The following QSER1 variants were observed in gnomAD, a reference collection of about 807,000 sequenced individuals.
QSER1 encodes the protein glutamine and serine rich 1, also known as glutamine and serine-rich protein 1.
In QSER1, 49 loss-of-function variants were observed where a neutral mutation model predicts 158.5. The observed-to-expected ratio is 0.31, with a 90% CI of 0.25 to 0.39. The LOEUF (loss-of-function observed/expected upper bound fraction) is 0.39. Ranked by LOEUF, QSER1 falls within the 10% of genes least tolerant of loss-of-function variation. The probability of loss-of-function intolerance (pLI) is 1.00; values close to 1 mark genes in which losing one functional copy is unlikely to be tolerated. For synonymous variants in QSER1, 650 were observed against 715.5 expected (o/e 0.91, Z 1.46); for missense variants, 1,754 against 2,010.3 (o/e 0.87, Z 2.44).
chr11:32,908,434 A>C (rs1851721419), intron 1 of QSER1, among the ~76,000 whole-genome samples: 1 of 152,260 alleles, frequency 6.6e-6, no homozygotes, highest in South Asian at 2.1e-4. Context: ...TTTTGTTGTG[A>C]ATACTCTTTG....
At chr11:32,897,831 C>G (rs1225576436) in intron 1 of QSER1, among the ~76,000 whole-genome samples, 1 of 152,212 alleles carries the variant, frequency 6.6e-6, no homozygotes, top group Non-Finnish European at 1.5e-5. Context: ...CTCTGCTTCT[C>G]TAGTGAGGCC....
chr11:32,947,351 G>C (rs569780863), intron 4 of QSER1, among the ~76,000 whole-genome samples: 86 of 152,076 alleles, frequency 5.7e-4, no homozygotes, highest in Non-Finnish European at 1.1e-3. Context: ...TTTGGTAAAT[G>C]GTCCATTTTT....
At position 32,959,178 on chromosome 11, in the gene QSER1, T is replaced by C. The variant is rs139627646; in HGVS notation, c.4969+1092T>C. On this transcript the variant is annotated intron_variant, in intron 8 of 12. Coordinates refer to ENST00000650167, the MANE Select transcript of QSER1 (RefSeq NM_001076786.3). Reference sequence around the variant, plus strand: ...CCCTCAGCCTGTTTTTATAGTTTTATTGGAACACAGCCGCATAGATTCATT... The same window carrying C: ...CCCTCAGCCTGTTTTTATAGTTTTACTGGAACACAGCCGCATAGATTCATT... 1.1e-4 allele frequency among the ~76,000 whole-genome samples: 16 copies of C among 152,322 alleles called. No individual in the cohort carries two copies. The East Asian group carries it at 2.3e-3, about 22-fold the overall frequency.
chr11:32,910,395 A>G (rs750290931), intron 1 of QSER1, among the ~76,000 whole-genome samples: 1 of 152,218 alleles, frequency 6.6e-6, no homozygotes, highest in Non-Finnish European at 1.5e-5. Context: ...TTATATCCCC[A>G]GTGCCTTGCT....
chr11:32,928,102 A>G lies in QSER1; in HGVS notation c.463A>G (p.Arg155Gly). The G allele has an allele frequency of 6.2e-7, 1 of 1,612,306 alleles. No homozygotes were observed. Among genetic ancestry groups the G allele is most frequent in the South Asian group, 1.1e-5 (1 of 91,020 alleles). Residue 155 changes from arginine (R) to glycine (G), a missense_variant, in exon 3 of 13, where the codon AGG (arginine) becomes GGG (glycine). Physicochemically the swap from Arg to Gly is moderately radical, Grantham distance 125. Coordinates refer to ENST00000650167, the MANE Select transcript of QSER1 (RefSeq NM_001076786.3). ...AGGAACTACTCTCTTACCACAATTC[A>G]GGGCTCCATCCTGGCAGACAGGTGA... The part of the protein sequence containing the change: ...ASGTTLLPQF[R>G]APSWQTGMHS...
At chr11:32,916,818 GC>G (rs1851837121) in intron 1 of QSER1, among the ~76,000 whole-genome samples, 1 of 149,070 alleles carries the variant, frequency 6.7e-6, no homozygotes, top group Admixed American at 6.7e-5. Flanking sequence ...TCAGAGTCTC[GC>G]TCTGTTGCCC....
chr11:32,913,662 G>A lies in QSER1; in HGVS notation c.210-13495G>A, dbSNP rs1028929085. Reference sequence around the variant, plus strand: ...GAACTTACCTTTAGGTGCAACAATAGTAGCATTGATTCAGCATTCATTATG... The same window carrying A: ...GAACTTACCTTTAGGTGCAACAATAATAGCATTGATTCAGCATTCATTATG... On this transcript the variant is annotated intron_variant, in intron 1 of 12. Coordinates refer to ENST00000650167, the MANE Select transcript of QSER1 (RefSeq NM_001076786.3). Among the ~76,000 whole-genome samples the A allele has an allele frequency of 3.3e-5, 5 of 152,222 alleles. No individual in the cohort carries two copies. The South Asian group carries it at 6.2e-4, about 19-fold the overall frequency.
At chr11:32,902,833 A>G (rs1251406804) in intron 1 of QSER1, among the ~76,000 whole-genome samples, 2 of 152,246 alleles carry the variant, frequency 1.3e-5, no homozygotes, top group Non-Finnish European at 1.5e-5. Context: ...TAATAATTCT[A>G]GAATGTAGGT....
chr11:32,976,641 G>A lies in QSER1; in HGVS notation c.*167G>A, dbSNP rs1045838476. On this transcript the variant is annotated 3_prime_UTR_variant, in exon 13 of 13. Coordinates refer to ENST00000650167, the MANE Select transcript of QSER1 (RefSeq NM_001076786.3). ...GGACAGTGGTGCGGCCTTTAGGAAC[G>A]AAGTTAGTCCTCTGGAAATGGACCT... is the stretch of plus-strand genomic sequence containing the variant. 1.9e-5 allele frequency: 13 copies of A among 679,732 alleles called. No individual in the cohort carries two copies. Among genetic ancestry groups the A allele is most frequent in the African/African-American group, 1.7e-4 (9 of 52,004 alleles). 42.1% of individuals were successfully genotyped at this position (679,732 alleles called of 1,614,324 possible).
chr11:32,958,199 C>T, intron 8 of QSER1, 113 bp downstream of exon 8: 5 of 850,902 alleles, frequency 5.9e-6, no homozygotes, highest in Non-Finnish European at 9.0e-6. Context: ...ATTTATCTAC[C>T]TAATAAATTC....
At chr11:32,966,484 A>G in intron 9 of QSER1, 47 bp downstream of exon 9, 2 of 1,556,658 alleles carry the variant, frequency 1.3e-6, no homozygotes, top group South Asian at 1.2e-5. Flanking sequence ...TCCTGGAATT[A>G]AAAAAAGAAA....
At chr11:32,959,123 G>A (rs534058725) in intron 8 of QSER1, among the ~76,000 whole-genome samples, 1 of 152,276 alleles carries the variant, frequency 6.6e-6, no homozygotes, top group South Asian at 2.1e-4. Flanking sequence ...TAGTACAGAG[G>A]TTGCCAAATG....
In QSER1 at chr11:32,962,112, G is replaced by A. The variant is rs138857754; in HGVS notation, c.4969+4026G>A. On this transcript the variant is annotated intron_variant, in intron 8 of 12. Transcript: ENST00000650167. ...TATATTCCCACCAGGAAAGCATGAC[G>A]GTTCCAATTTTTCCACATCCTTTGC... Among the ~76,000 whole-genome samples the A allele has an allele frequency of 3.3e-3, 501 of 152,232 alleles. 3 individuals are homozygous for A. Among genetic ancestry groups the A allele is most frequent in the South Asian group, 6.8e-3 (33 of 4,820 alleles).
At chr11:32,950,514 C>T (rs1303000151) in intron 4 of QSER1, among the ~76,000 whole-genome samples, 1 of 152,120 alleles carries the variant, frequency 6.6e-6, no homozygotes, top group African/African-American at 2.4e-5. Context: ...GCCCAAAGTT[C>T]CTCTATCAGC....
chr11:32,969,062 T>G lies in QSER1; in HGVS notation c.5124T>G (p.Pro1708=), dbSNP rs1473082245. Residue 1708 remains proline (P), a synonymous_variant, in exon 10 of 13, where the codon CCT becomes CCG. Coordinates refer to ENST00000650167, the MANE Select transcript of QSER1 (RefSeq NM_001076786.3). ...LEKSNDELLL[P]HMKKIDGMLN... ...TTGTTTCAGATGAGCTACTTTTACCTCATATGAAAAAAATAGATGGCATGC... is the reference window on the plus strand; with the variant it reads ...TTGTTTCAGATGAGCTACTTTTACCGCATATGAAAAAAATAGATGGCATGC... 1 of 1,578,440 alleles carries G rather than the reference T, an allele frequency of 6.3e-7. No homozygotes were observed. The highest frequency in any genetic ancestry group is 1.4e-5 in the African/African-American group (1 of 73,700).
chr11:32,975,273 TAC>T lies in QSER1; in HGVS notation c.5386_5387del (p.Gln1796ValfsTer12). ...GAGTTTGCTGTCGATCCAGAGAAAA[TAC>T]AGTTGTATTCTTTGTATCATTCACT... On this transcript the variant is annotated frameshift_variant, in exon 12 of 13. Coordinates refer to ENST00000650167, the MANE Select transcript of QSER1 (RefSeq NM_001076786.3). LOFTEE classifies it high-confidence loss of function. 1 of 1,577,104 alleles carries T rather than the reference TAC, an allele frequency of 6.3e-7. No homozygotes were observed.
Position 32,932,014 on chromosome 11 carries a change from A to G in QSER1, c.756A>G (p.Leu252=). The G allele has an allele frequency of 6.2e-7, 1 of 1,614,240 alleles. No individual in the cohort carries two copies. ...LAFERLGSSV[L]SNSIPPQSST... ...TTGAGCGCCTGGGCAGTTCTGTATT[A>G]AGTAACAGCATACCACCTCAGTCTT... Residue 252 remains leucine, a synonymous_variant, in exon 4 of 13, where the codon TTA becomes TTG. Coordinates refer to ENST00000650167, the MANE Select transcript of QSER1 (RefSeq NM_001076786.3).
Position 32,978,859 on chromosome 11 carries a change from G to A in QSER1, c.*2385G>A, listed in dbSNP as rs141687298. On this transcript the variant is annotated 3_prime_UTR_variant, in exon 13 of 13. Coordinates refer to ENST00000650167, the MANE Select transcript of QSER1 (RefSeq NM_001076786.3). ...TTATGACAGCCGTCCATGAGTTATC[G>A]CTTTGTATGAAGTTAAATACAGTCA... is the stretch of plus-strand genomic sequence containing the variant. The A allele has an allele frequency of 5.3e-5, 8 of 152,288 alleles. No individual in the cohort carries two copies. Among genetic ancestry groups the A allele is most frequent in the East Asian group, 1.9e-4 (1 of 5,186 alleles). 9.4% of individuals were successfully genotyped at this position (152,288 alleles called of 1,614,324 possible).
chr11:32,906,946 A>AT (rs372797214), intron 1 of QSER1, among the ~76,000 whole-genome samples: 4 of 152,158 alleles, frequency 2.6e-5, no homozygotes, highest in African/African-American at 7.2e-5. Context: ...AAAGACTTAA[A>AT]TTTTTTTGAT....
Sources: allele counts gnomAD v4.1 joint callset (sites outside exome capture counted in the v4.1 genomes callset), GRCh38; gene constraint gnomAD v4.1.1; transcripts MANE v1.5; gene names NCBI Gene and HGNC (gene_info 2026-07-23, HGNC 2026-07-21).